TANK: variants seen among roughly 807,000 people sequenced by gnomAD.
The protein encoded by TANK is TRAF family member associated NFKB activator, also known as TRAF family member-associated NF-kappa-B activator.
In TANK, 15 loss-of-function variants were observed where a neutral mutation model predicts 43.6. The ratio of observed to expected loss-of-function variants is 0.34; its 90% CI spans 0.23 to 0.53. TANK has a LOEUF of 0.53. Among genes scored for constraint, TANK ranks in the 20% least tolerant of loss-of-function variants. TANK has a pLI of 0.94. For missense variants in TANK, 417 were observed against 498.6 expected (o/e 0.84, Z 1.56); for synonymous variants, 162 against 178.2 (o/e 0.91, Z 0.73).
chr2:161,226,887 G>GGTAATAAACAACCATGAGA (rs1687654992), intron 6 of TANK, among the ~76,000 whole-genome samples: 1 of 152,224 alleles, frequency 6.6e-6, no homozygotes, highest in Admixed American at 6.5e-5. Flanking sequence ...CAACCATGAG[G>GGTAATAAACAACCATGAGA]TCTTTTTCTT....
intron 5 of TANK, 53 bp downstream of exon 5, chr2:161,224,044 T>C: frequency 8.4e-7 from 1 of 1,190,978 alleles, no homozygotes; most frequent in Non-Finnish European, 1.2e-6. Flanking sequence ...TACTGAAATA[T>C]ATTTTATATT....
At chr2:161,180,663 A>G (rs1190648208) in intron 2 of TANK, among the ~76,000 whole-genome samples, 2 of 152,164 alleles carry the variant, frequency 1.3e-5, no homozygotes, top group East Asian at 1.9e-4. Context: ...AATTTCACCT[A>G]CACGTTCTGT....
intron 2 of TANK, 62 bp from the exon 3 acceptor site, chr2:161,203,425 A>T: frequency 9.2e-7 from 1 of 1,091,110 alleles, no homozygotes; most frequent in South Asian, 1.4e-5. Flanking sequence ...TTATCAATGG[A>T]TGGTAAATAT....
intron 2 of TANK, among the ~76,000 whole-genome samples, chr2:161,185,865 A>T (rs868599114): frequency 9.9e-5 from 15 of 152,280 alleles, no homozygotes; most frequent in Admixed American, 3.3e-4. Context: ...AGTATAATAA[A>T]AAAAATAATA....
At chr2:161,167,776 C>T (rs1213042839) in intron 1 of TANK, among the ~76,000 whole-genome samples, 1 of 152,088 alleles carries the variant, frequency 6.6e-6, no homozygotes, top group South Asian at 2.1e-4. Context: ...ATGCCCGCCA[C>T]CACGACCGGC....
chr2:161,224,091 G>A, intron 5 of TANK, 100 bp downstream of exon 5: 1 of 810,046 alleles, frequency 1.2e-6, no homozygotes, highest in Non-Finnish European at 1.9e-6. Context: ...AAAAAAAATA[G>A]CCTTTTAGAA....
At chr2:161,232,966 T>C in intron 7 of TANK, 1 of 1,055,554 alleles carries the variant, frequency 9.5e-7, no homozygotes, top group Non-Finnish European at 1.3e-6. Flanking sequence ...TGTTACAGTT[T>C]AGGATGGAAA....
At chr2:161,232,271 G>A (rs2105174483) in intron 7 of TANK, among the ~76,000 whole-genome samples, 1 of 152,168 alleles carries the variant, frequency 6.6e-6, no homozygotes, top group East Asian at 1.9e-4. Context: ...TTTAATGTCT[G>A]AAAGCAAATG....
chr2:161,224,005 C>A lies in TANK; in HGVS notation c.404+14C>A, dbSNP rs1687482409. On this transcript the variant is annotated intron_variant, in intron 5 of 7. Coordinates refer to ENST00000392749, the MANE Select transcript of TANK (RefSeq NM_001199135.3). ...GCTCCATGAAAGGTAGTTCTACATCCTTTTTTCTCAACTCTTAAAAATTAT... is the reference window on the plus strand; with the variant it reads ...GCTCCATGAAAGGTAGTTCTACATCATTTTTTCTCAACTCTTAAAAATTAT... 2 of 1,534,562 alleles carry A rather than the reference C, an allele frequency of 1.3e-6. No individual in the cohort carries two copies.
Position 161,162,662 on chromosome 2 carries a change from A to C in TANK, c.-50+2176A>C, listed in dbSNP as rs769443283. 2.0e-5 allele frequency: 3 copies of C among 152,124 alleles called. No individual in the cohort carries two copies. The East Asian group carries it at 5.8e-4, about 29-fold the overall frequency. The allele number at this position is 152,124 out of a possible 1,614,324, so 9.4% of individuals were successfully genotyped here. A position where few individuals can be genotyped will look rare whatever the true frequency, so the allele number is the denominator to read the frequency against. ...TATGAAGTTACTATTAATATCTAAT[A>C]AATTATATTTATCAGGGAAGTTTCC... On this transcript the variant is annotated intron_variant, in intron 1 of 7. Transcript: ENST00000392749.
At chr2:161,207,795 A>T in intron 4 of TANK, 2 of 985,418 alleles carry the variant, frequency 2.0e-6, no homozygotes, top group African/African-American at 3.5e-5. Flanking sequence ...CAATGAAAAA[A>T]ATCCATGTCT....
chr2:161,215,005 A>G (rs997620221), intron 4 of TANK, among the ~76,000 whole-genome samples: 8 of 152,192 alleles, frequency 5.3e-5, no homozygotes, highest in East Asian at 1.9e-4. Flanking sequence ...GACATTACCT[A>G]GTCTTTCAAA....
chr2:161,227,552 T>C (rs1687694441), intron 6 of TANK, among the ~76,000 whole-genome samples: 2 of 152,238 alleles, frequency 1.3e-5, no homozygotes, highest in South Asian at 4.1e-4. Context: ...AGTGCCTGCC[T>C]CAGGATTACT....
chr2:161,155,271 A>G (rs1684194666), intron 1 of TANK, among the ~76,000 whole-genome samples: 1 of 152,090 alleles, frequency 6.6e-6, no homozygotes, highest in Admixed American at 6.5e-5. Context: ...CCATATTATT[A>G]TTATTAAATT....
chr2:161,201,287 G>T, intron 2 of TANK: 1 of 917,896 alleles, frequency 1.1e-6, no homozygotes, highest in Non-Finnish European at 1.3e-6. Context: ...ACATTTTCAG[G>T]ATTATTTATT....
At chr2:161,159,469 A>G (rs1218257416), upstream of TANK, among the ~76,000 whole-genome samples, 1 of 152,232 alleles carries the variant, frequency 6.6e-6, no homozygotes, top group African/African-American at 2.4e-5. Flanking sequence ...AAAACTATTC[A>G]ACTGGTCAAA....
upstream of TANK, chr2:161,156,366 G>T: frequency 5.1e-6 from 5 of 985,218 alleles, no homozygotes; most frequent in Non-Finnish European, 6.0e-6. Context: ...ATCCAACTTT[G>T]GTTTTATTTC....
intron 2 of TANK, among the ~76,000 whole-genome samples, 162 bp from the exon 3 acceptor site, chr2:161,203,325 C>G (rs1385512141): frequency 6.6e-6 from 1 of 152,124 alleles, no homozygotes; most frequent in Non-Finnish European, 1.5e-5. Flanking sequence ...ATGTTTGTAA[C>G]AATTACAAGT....
chr2:161,217,933 A>C (rs1687189989), intron 4 of TANK, among the ~76,000 whole-genome samples: 1 of 152,160 alleles, frequency 6.6e-6, no homozygotes, highest in African/African-American at 2.4e-5. Context: ...AAGGGAGTTA[A>C]GCTTTCCAGA....
Sources: gnomAD v4.1 joint callset for allele counts (sites outside exome capture counted in the v4.1 genomes callset) on GRCh38, gnomAD v4.1.1 for gene constraint, MANE v1.5 for transcripts, NCBI Gene and HGNC (gene_info 2026-07-23, HGNC 2026-07-21) for gene names.